The following SLC24A2 variants were observed in gnomAD, a reference collection of about 807,000 sequenced individuals.
The protein encoded by SLC24A2 is solute carrier family 24 member 2.
SLC24A2 carries 36 observed loss-of-function variants against 62.0 expected under a neutral mutation model. The observed-to-expected ratio is 0.58, with a 90% CI of 0.44 to 0.77. The LOEUF is 0.77. Ranked by LOEUF, SLC24A2 falls within the 30% of genes least tolerant of loss-of-function variation. SLC24A2 has a pLI of 0.00. For missense variants in SLC24A2, 846 were observed against 817.9 expected (o/e 1.03, Z -0.42); for synonymous variants, 358 against 294.0 (o/e 1.22, Z -2.23).
intron 4 of SLC24A2, among the ~76,000 whole-genome samples, chr9:19,607,718 CAAAAAA>C (rs769291086): frequency 1.2e-4 from 8 of 67,246 alleles, no homozygotes; most frequent in African/African-American, 2.6e-4. Context: ...GACTCTGTCT[CAAAAAA>C]AAAAAAAAAA....
intron 8 of SLC24A2, among the ~76,000 whole-genome samples, chr9:19,542,679 A>G (rs1271050059): frequency 6.6e-6 from 1 of 152,210 alleles, no homozygotes; most frequent in East Asian, 1.9e-4. Context: ...ACTTTTCTGC[A>G]TCTGTTGAAA....
At chr9:20,140,690 G>C in the SLC24A2 span, among the ~76,000 whole-genome samples, 1 of 152,042 alleles carries the variant, frequency 6.6e-6, no homozygotes, top group South Asian at 2.1e-4. Flanking sequence ...CTTGGCCTGA[G>C]CCATCCCATG....
the SLC24A2 span, among the ~76,000 whole-genome samples, chr9:20,137,864 TCTCA>T: frequency 6.6e-6 from 1 of 152,168 alleles, no homozygotes; most frequent in Non-Finnish European, 1.5e-5. Flanking sequence ...AGAAAACATA[TCTCA>T]CTCAATATTG....
chr9:19,792,279 AG>A (rs1454014088), upstream of SLC24A2, among the ~76,000 whole-genome samples: 3 of 152,334 alleles, frequency 2.0e-5, no homozygotes, highest in Admixed American at 6.5e-5. Context: ...GAATTTTTAA[AG>A]AAGCAAGTAG....
intron 3 of SLC24A2, among the ~76,000 whole-genome samples, chr9:19,621,827 T>C (rs923356483): frequency 3.3e-5 from 5 of 152,214 alleles, no homozygotes; most frequent in African/African-American, 4.8e-5. Context: ...ATTAAGTATA[T>C]AGGTCTCATG....
chr9:19,535,583 T>G lies in SLC24A2; in HGVS notation c.1480-7445A>C, dbSNP rs116155713. Among the ~76,000 whole-genome samples the G allele has an allele frequency of 2.1e-3, 321 of 152,330 alleles. 1 individual carries two copies. The highest frequency in any genetic ancestry group is 7.5e-3 in the African/African-American group (311 of 41,578). ...GTTTTCTGCATGTGACTAGCCAATT[T>G]TCCCAGCACCATTGATTACATAGGG... On this transcript the variant is annotated intron_variant, in intron 8 of 10. Coordinates refer to ENST00000341998, the MANE Select transcript of SLC24A2 (RefSeq NM_020344.4).
chr9:19,905,210 T>A, the SLC24A2 span, among the ~76,000 whole-genome samples: 1 of 151,452 alleles, frequency 6.6e-6, no homozygotes, highest in East Asian at 2.0e-4. Flanking sequence ...TGAAAAAGAG[T>A]GGGGTCTCAC....
the SLC24A2 span, among the ~76,000 whole-genome samples, chr9:20,298,738 C>A: frequency 6.6e-6 from 1 of 152,224 alleles, no homozygotes; most frequent in Non-Finnish European, 1.5e-5. Flanking sequence ...CCAAACAGCA[C>A]TGAGGAAGAT....
Position 19,564,860 on chromosome 9 carries a change from A to G in SLC24A2, c.1347+8491T>C, listed in dbSNP as rs2132818604. On this transcript the variant is annotated intron_variant, in intron 7 of 10. Coordinates refer to ENST00000341998, the MANE Select transcript of SLC24A2 (RefSeq NM_020344.4). ...AATGGTTTTGATGTGTCACAGCAGC[A>G]GGGATTATGATGCAGCAGGCAGGCA... 2.0e-5 allele frequency among the ~76,000 whole-genome samples: 3 copies of G among 152,278 alleles called. 1 individual carries two copies. In the East Asian group the frequency reaches 5.8e-4, roughly 29 times the overall value.
chr9:19,664,194 G>A (rs1377242379), intron 2 of SLC24A2, among the ~76,000 whole-genome samples: 1 of 152,208 alleles, frequency 6.6e-6, no homozygotes, highest in Non-Finnish European at 1.5e-5. Context: ...CTGCTATAAA[G>A]ACACTCAGCA....
the SLC24A2 span, among the ~76,000 whole-genome samples, chr9:20,268,713 G>A: frequency 6.6e-6 from 1 of 152,194 alleles, no homozygotes; most frequent in African/African-American, 2.4e-5. Context: ...AACAGACTAA[G>A]ACATCTACTT....
At chr9:20,053,662 G>A in the SLC24A2 span, among the ~76,000 whole-genome samples, 1 of 152,246 alleles carries the variant, frequency 6.6e-6, no homozygotes, top group East Asian at 1.9e-4. Context: ...AGACCCCAGA[G>A]ACCTCCCTTA....
the SLC24A2 span, among the ~76,000 whole-genome samples, chr9:20,171,283 C>T: frequency 6.8e-6 from 1 of 146,584 alleles, no homozygotes; most frequent in Non-Finnish European, 1.5e-5. Context: ...ATAAATCTCA[C>T]AGGACCTATA....
the SLC24A2 span, among the ~76,000 whole-genome samples, chr9:19,883,759 G>A: frequency 8.5e-5 from 13 of 152,144 alleles, no homozygotes; most frequent in Admixed American, 2.0e-4. Context: ...TAGAGTCGGG[G>A]TTTCACTGTG....
At chr9:20,103,579 A>C in the SLC24A2 span, among the ~76,000 whole-genome samples, 1 of 152,338 alleles carries the variant, frequency 6.6e-6, no homozygotes, top group East Asian at 1.9e-4. Flanking sequence ...GCTGATTCCC[A>C]GGCAAACAGG....
the SLC24A2 span, among the ~76,000 whole-genome samples, chr9:19,922,725 T>C: frequency 1.7e-4 from 26 of 152,070 alleles, 1 homozygote; most frequent in South Asian, 5.2e-3. Flanking sequence ...ATGGAAGCGC[T>C]GAAAGGAAAA....
At chr9:19,522,137 T>G (rs1383595602) in intron 9 of SLC24A2, among the ~76,000 whole-genome samples, 2 of 152,146 alleles carry the variant, frequency 1.3e-5, no homozygotes, top group African/African-American at 4.8e-5. Context: ...GCCTTCAGAG[T>G]AGCTGGGACC....
intron 2 of SLC24A2, among the ~76,000 whole-genome samples, chr9:19,649,265 C>T (rs1018611671): frequency 2.5e-4 from 38 of 152,006 alleles, no homozygotes; most frequent in African/African-American, 9.2e-4. Flanking sequence ...TTTGAATTTA[C>T]TTTCATGATA....
At chr9:19,586,801 T>A (rs528359008) in intron 5 of SLC24A2, among the ~76,000 whole-genome samples, 11 of 152,284 alleles carry the variant, frequency 7.2e-5, no homozygotes, top group African/African-American at 2.6e-4. Flanking sequence ...ACTTAATCTT[T>A]TGAACATTTC....
Sources: gnomAD v4.1 joint callset for allele counts (sites outside exome capture counted in the v4.1 genomes callset) on GRCh38, gnomAD v4.1.1 for gene constraint, MANE v1.5 for transcripts, NCBI Gene and HGNC (gene_info 2026-07-23, HGNC 2026-07-21) for gene names.